Variants in COL10A1 observed in about 807,000 individuals in gnomAD.
COL10A1 encodes collagen alpha-1(X) chain.
In COL10A1, 10 loss-of-function variants were observed where a neutral mutation model predicts 18.2. The ratio of observed to expected loss-of-function variants is 0.55; its 90% CI spans 0.34 to 0.93. COL10A1 has a LOEUF of 0.93. COL10A1 is among the 40% of genes least tolerant of loss of function. The pLI is 0.02. For missense variants in COL10A1, 897 were observed against 853.5 expected, an observed-to-expected ratio of 1.05 and a Z score of -0.64; for synonymous variants, 330 against 316.6, an observed-to-expected ratio of 1.04 and a Z score of -0.45.
rs1779099435 is a variant in COL10A1 at position 116,120,920 on chromosome 6, G to A, written c.1196C>T (p.Pro399Leu). 6.2e-7 allele frequency: 1 copy of A among 1,613,720 alleles called. No individual in the cohort carries two copies. Among genetic ancestry groups the A allele is most frequent in the Non-Finnish European group, 8.5e-7 (1 of 1,179,886 alleles). ...GYPGKPGLDG[P>L]KGNPGLPGPK... ...ACCTGGTAACCCTGGGTTACCCTTA[G>A]GACCATCGAGACCTGGTTTTCCTGG... Residue 399 changes from proline (P) to leucine (L), a missense_variant, in exon 3 of 3, where the codon CCT becomes CTT. Physicochemically the swap from Pro to Leu is moderately conservative, Grantham distance 98 (BLOSUM62 -3). Transcript: ENST00000651968.
At chr6:116,191,537 A>C in the COL10A1 span, among the ~76,000 whole-genome samples, 1 of 152,076 alleles carries the variant, frequency 6.6e-6, no homozygotes, top group Non-Finnish European at 1.5e-5. Flanking sequence ...AACTCAAAAA[A>C]GCTTTTTATG....
At chr6:116,163,386 C>G (rs1030556155), upstream of COL10A1, among the ~76,000 whole-genome samples, 1 of 151,694 alleles carries the variant, frequency 6.6e-6, no homozygotes, top group African/African-American at 2.4e-5. Flanking sequence ...TTTGTTTCCT[C>G]TAAGTTTTCT....
chr6:116,157,682 A>T (rs149315460), intron 1 of COL10A1, among the ~76,000 whole-genome samples: 13 of 152,266 alleles, frequency 8.5e-5, no homozygotes, highest in Admixed American at 7.8e-4. Context: ...CTCATTTTTT[A>T]ACAAAACAGA....
chr6:116,197,008 G>T, the COL10A1 span, among the ~76,000 whole-genome samples: 1 of 151,526 alleles, frequency 6.6e-6, no homozygotes, highest in Non-Finnish European at 1.5e-5. Context: ...CAGACCTGGT[G>T]TCTGAGGGCT....
chr6:116,161,477 G>A (rs1443766644), upstream of COL10A1, among the ~76,000 whole-genome samples: 1 of 152,062 alleles, frequency 6.6e-6, no homozygotes, highest in Non-Finnish European at 1.5e-5. Flanking sequence ...TTTCCCAGCA[G>A]TATTTATTGA....
In COL10A1 at chr6:116,119,954, G is replaced by C. The variant is rs985998237; in HGVS notation, c.*119C>G. 1.5e-5 allele frequency: 15 copies of C among 983,974 alleles called. No homozygotes were observed. The highest frequency in any genetic ancestry group is 2.4e-5 in the Non-Finnish European group (15 of 628,172). The allele number at this position is 983,974 out of a possible 1,614,324, so 61.0% of individuals were successfully genotyped here. ...TTTGTTGGTCTGATAGCTCAAATCT[G>C]TATTTCAGAAAATAAAAATTACATT... On this transcript the variant is annotated 3_prime_UTR_variant, in exon 3 of 3. Transcript: ENST00000651968.
At chr6:116,125,834 A>C (rs1243974100) in intron 1 of COL10A1, 1 of 211,716 alleles carries the variant, frequency 4.7e-6, no homozygotes, top group African/African-American at 2.4e-5. Context: ...TTCAAAATAC[A>C]CTGAAATTCG....
chr6:116,135,464 G>T, intron 1 of COL10A1, among the ~76,000 whole-genome samples: 1 of 151,002 alleles, frequency 6.6e-6, no homozygotes, highest in East Asian at 1.9e-4. Flanking sequence ...AGATAATATT[G>T]GTAGAGCCCT....
In COL10A1 at chr6:116,121,148, C is replaced by T. The variant is rs764389185; in HGVS notation, c.968G>A (p.Gly323Glu). 21 of 1,613,202 alleles carry T rather than the reference C, an allele frequency of 1.3e-5. No individual in the cohort carries two copies. The highest frequency in any genetic ancestry group is 1.7e-5 in the Non-Finnish European group (20 of 1,179,662). Reference protein sequence around the residue: ...AGLPGGPGAKGEQGPAGLPGK... With the variant: ...AGLPGGPGAKEEQGPAGLPGK... ...AGGAAGACCTGCTGGCCCTTGTTCC[C>T]CTTTGGCACCTGGACCCCCAGGAAG... The change falls in exon 3 of 3, where the codon GGG becomes GAG. Residue 323 changes from glycine (G) to glutamate (E), a missense_variant. Coordinates refer to ENST00000651968, the MANE Select transcript of COL10A1 (RefSeq NM_000493.4).
chr6:116,190,634 A>G, the COL10A1 span, among the ~76,000 whole-genome samples: 64 of 152,172 alleles, frequency 4.2e-4, 1 homozygote, highest in Non-Finnish European at 8.8e-5. Flanking sequence ...CTACTTTTAC[A>G]CAACTCTGCT....
intron 1 of COL10A1, among the ~76,000 whole-genome samples, chr6:116,135,374 AATG>A (rs1779562484): frequency 6.6e-6 from 1 of 152,028 alleles, no homozygotes; most frequent in African/African-American, 2.4e-5. Context: ...AGTACTAGAA[AATG>A]ATATTTCATT....
chr6:116,209,202 G>A, the COL10A1 span, among the ~76,000 whole-genome samples: 3 of 152,094 alleles, frequency 2.0e-5, no homozygotes, highest in South Asian at 6.2e-4. Context: ...GGGCCAGATA[G>A]TAAATATTAT....
chr6:116,143,017 G>A (rs1779803601), intron 1 of COL10A1, among the ~76,000 whole-genome samples: 1 of 152,152 alleles, frequency 6.6e-6, no homozygotes, highest in Non-Finnish European at 1.5e-5. Flanking sequence ...GTCTTATTTG[G>A]AAGAAGACTA....
intron 1 of COL10A1, among the ~76,000 whole-genome samples, chr6:116,133,658 G>A (rs926218915): frequency 6.6e-6 from 1 of 151,926 alleles, no homozygotes; most frequent in Non-Finnish European, 1.5e-5. Context: ...GCCCTTGTCT[G>A]TTTAGCCATT....
rs1275317581 is a variant in COL10A1 at position 116,126,036 on chromosome 6, A to G, written c.-16+17T>C. On this transcript the variant is annotated intron_variant, in intron 1 of 2. Coordinates refer to ENST00000651968, the MANE Select transcript of COL10A1 (RefSeq NM_000493.4). ...AAGCAAGTTAACATGGAAGTCCACC[A>G]GTAAGCGTACGCTTACCTGCGTGCT... 1 of 157,066 alleles carries G rather than the reference A, an allele frequency of 6.4e-6. No homozygotes were observed. Among genetic ancestry groups the G allele is most frequent in the East Asian group, 1.9e-4 (1 of 5,338 alleles). 9.7% of individuals were successfully genotyped at this position (157,066 alleles called of 1,614,324 possible).
chr6:116,214,834 G>A, the COL10A1 span, among the ~76,000 whole-genome samples: 1 of 151,892 alleles, frequency 6.6e-6, no homozygotes, highest in East Asian at 1.9e-4. Flanking sequence ...AAAAAAAAGA[G>A]TTATCTGGCT....
the COL10A1 span, among the ~76,000 whole-genome samples, chr6:116,163,962 C>A: frequency 6.6e-6 from 1 of 152,054 alleles, no homozygotes; most frequent in Non-Finnish European, 1.5e-5. Context: ...TGAGAGGATA[C>A]CTGATATTAT....
At chr6:116,158,259 A>G (rs1780249832) in intron 1 of COL10A1, among the ~76,000 whole-genome samples, 1 of 149,858 alleles carries the variant, frequency 6.7e-6, no homozygotes, top group Non-Finnish European at 1.5e-5. Flanking sequence ...TGCTACCTCG[A>G]TGAAGATACA....
At chr6:116,129,070 T>TAATA (rs1055762346), upstream of COL10A1, among the ~76,000 whole-genome samples, 48 of 152,296 alleles carry the variant, frequency 3.2e-4, no homozygotes, top group African/African-American at 1.1e-3. Flanking sequence ...TCCCATATAT[T>TAATA]GTACCAATTT....
Sources: allele counts gnomAD v4.1 joint callset (sites outside exome capture counted in the v4.1 genomes callset), GRCh38; gene constraint gnomAD v4.1.1; transcripts MANE v1.5; gene names NCBI Gene and HGNC (gene_info 2026-07-23, HGNC 2026-07-21).